Variants in PACSIN2 observed in about 807,000 individuals in gnomAD.
PACSIN2 encodes protein kinase C and casein kinase substrate in neurons 2.
Under a neutral mutation model 63.8 loss-of-function variants are expected in PACSIN2, and 25 were observed. The observed-to-expected ratio is 0.39, with a 90% confidence interval of 0.29 to 0.55. The LOEUF is 0.55. Ranked by LOEUF, PACSIN2 falls within the 20% of genes least tolerant of loss-of-function variation. The pLI is 0.62. For synonymous variants in PACSIN2, 255 were observed against 256.2 expected (o/e 1.00, Z 0.05); for missense variants, 518 against 646.9 (o/e 0.80, Z 2.16).
At chr22:42,878,124 C>A (rs1204351964) in intron 8 of PACSIN2, among the ~76,000 whole-genome samples, 1 of 152,136 alleles carries the variant, frequency 6.6e-6, no homozygotes, top group East Asian at 1.9e-4. Flanking sequence ...CTGGTGGGGG[C>A]GGCTGGATTG....
intron 6 of PACSIN2, among the ~76,000 whole-genome samples, chr22:42,883,726 CCAGGTGCGGT>C (rs1929247185): frequency 6.6e-6 from 1 of 152,246 alleles, no homozygotes; most frequent in Non-Finnish European, 1.5e-5. Flanking sequence ...CCAGCTGCGG[CCAGGTGCGGT>C]GGCTCACGCC....
At chr22:42,881,319 CTT>C (rs1352784763) in intron 7 of PACSIN2, among the ~76,000 whole-genome samples, 1 of 152,194 alleles carries the variant, frequency 6.6e-6, no homozygotes, top group Non-Finnish European at 1.5e-5. Context: ...GATGGGTGCT[CTT>C]GTCATTCCCA....
At chr22:42,973,397 A>C (rs1921466221) in intron 1 of PACSIN2, among the ~76,000 whole-genome samples, 1 of 149,040 alleles carries the variant, frequency 6.7e-6, no homozygotes, top group African/African-American at 2.5e-5. Flanking sequence ...CAGTGCTCTG[A>C]ATTATGCAAC....
At chr22:42,962,654 C>G (rs1358553227) in intron 1 of PACSIN2, among the ~76,000 whole-genome samples, 1 of 151,626 alleles carries the variant, frequency 6.6e-6, no homozygotes, top group Non-Finnish European at 1.5e-5. Flanking sequence ...CAGCCATTCA[C>G]AGTCCAAGTC....
intron 1 of PACSIN2, among the ~76,000 whole-genome samples, chr22:42,913,225 A>C (rs559066404): frequency 1.3e-5 from 2 of 152,330 alleles, no homozygotes; most frequent in South Asian, 4.1e-4. Context: ...CATGCCTGTA[A>C]TCCCAGCACT....
intron 1 of PACSIN2, among the ~76,000 whole-genome samples, chr22:42,973,619 C>T (rs1011695063): frequency 2.0e-5 from 3 of 152,282 alleles, no homozygotes; most frequent in South Asian, 2.1e-4. Flanking sequence ...GCCTGCCTGT[C>T]TCCGCCCAGG....
At chr22:43,000,371 A>C (rs1004279718) in intron 1 of PACSIN2, among the ~76,000 whole-genome samples, 5 of 151,832 alleles carry the variant, frequency 3.3e-5, no homozygotes, top group African/African-American at 1.2e-4. Context: ...CCACCTGGTA[A>C]CCCCACGAGT....
At chr22:42,875,438 T>C (rs1260224432) in intron 10 of PACSIN2, among the ~76,000 whole-genome samples, 1 of 152,114 alleles carries the variant, frequency 6.6e-6, no homozygotes, top group Non-Finnish European at 1.5e-5. Flanking sequence ...GGTACAATCA[T>C]GATTCATTGC....
intron 1 of PACSIN2, among the ~76,000 whole-genome samples, chr22:42,930,086 G>A (rs556791669): frequency 9.9e-5 from 15 of 152,272 alleles, no homozygotes; most frequent in Middle Eastern, 3.4e-3. Flanking sequence ...AAATATGAAT[G>A]CCATGCTTTT....
At chr22:43,014,327 CACACACACACACACACACACACACAG>C (rs1569383326) in intron 1 of PACSIN2, among the ~76,000 whole-genome samples, 4 of 19,474 alleles carry the variant, frequency 2.1e-4, no homozygotes, top group African/African-American at 1.2e-3. Flanking sequence ...GCCCTACACA[CACACACACACACACACACACACACAG>C]ACACACACAC....
chr22:42,971,376 C>T (rs1026615872), intron 1 of PACSIN2, among the ~76,000 whole-genome samples: 8 of 152,236 alleles, frequency 5.3e-5, no homozygotes, highest in East Asian at 1.9e-4. Context: ...CGGAGTCTCG[C>T]TCACTCAGTG....
At chr22:42,983,911 T>C (rs1922422685) in intron 1 of PACSIN2, among the ~76,000 whole-genome samples, 2 of 151,796 alleles carry the variant, frequency 1.3e-5, no homozygotes, top group South Asian at 4.2e-4. Context: ...AATAAACTAG[T>C]GTAAACCTGG....
chr22:42,955,252 G>C (rs1171687022), intron 1 of PACSIN2, among the ~76,000 whole-genome samples: 3 of 152,070 alleles, frequency 2.0e-5, no homozygotes, highest in Non-Finnish European at 4.4e-5. Flanking sequence ...TGAACTGCGT[G>C]GACAAGAGAC....
intron 1 of PACSIN2, among the ~76,000 whole-genome samples, chr22:42,978,940 C>G (rs554063157): frequency 1.1e-3 from 165 of 152,258 alleles, no homozygotes; most frequent in African/African-American, 3.9e-3. Flanking sequence ...TGAGGTCACT[C>G]CACCCAATGT....
chr22:42,900,089 T>G (rs948724698), intron 2 of PACSIN2, among the ~76,000 whole-genome samples: 1 of 152,284 alleles, frequency 6.6e-6, no homozygotes, highest in African/African-American at 2.4e-5. Flanking sequence ...GCTTCCCTGA[T>G]GCAGCCCGTC....
chr22:42,950,691 ATC>A (rs983120531), intron 1 of PACSIN2, among the ~76,000 whole-genome samples: 20 of 152,240 alleles, frequency 1.3e-4, no homozygotes, highest in African/African-American at 4.3e-4. Flanking sequence ...CTTGGGCTTT[ATC>A]TAAAAATATA....
In PACSIN2 at chr22:42,937,047, G is replaced by T. The variant is rs5759047; in HGVS notation, c.-77-24890C>A. 0.012 allele frequency among the ~76,000 whole-genome samples: 1,754 copies of T among 152,352 alleles called. 100 individuals are homozygous for T. In the East Asian group the frequency reaches 0.18, roughly 15 times the overall value. On this transcript the variant is annotated intron_variant, in intron 1 of 10. Coordinates refer to ENST00000263246, the MANE Select transcript of PACSIN2 (RefSeq NM_001184970.3). ...CACCTGTATATTGGGTGCCTGTGCA[G>T]CCACACGGTGTTCTGAATGCTGGGA...
chr22:42,944,969 G>A (rs986292672), intron 1 of PACSIN2, among the ~76,000 whole-genome samples: 13 of 152,102 alleles, frequency 8.5e-5, no homozygotes, highest in African/African-American at 2.7e-4. Flanking sequence ...GTGGTGGTAC[G>A]CCCCTGTAGT....
intron 1 of PACSIN2, among the ~76,000 whole-genome samples, chr22:42,933,051 C>G (rs191692063): frequency 1.3e-5 from 2 of 152,346 alleles, no homozygotes; most frequent in South Asian, 4.1e-4. Flanking sequence ...TTTATATTTA[C>G]AGTAGAATTT....
Sources: allele counts gnomAD v4.1 joint callset (sites outside exome capture counted in the v4.1 genomes callset), GRCh38; gene constraint gnomAD v4.1.1; transcripts MANE v1.5; gene names NCBI Gene and HGNC (gene_info 2026-07-23, HGNC 2026-07-21).